Variants in ARHGEF10 observed in about 807,000 individuals in gnomAD.
ARHGEF10 encodes the protein Rho guanine nucleotide exchange factor (GEF) 10.
A neutral mutation model predicts 147.4 loss-of-function variants in ARHGEF10; 140 were observed. That is an observed-to-expected ratio of 0.95 (90% CI 0.83 to 1.09). ARHGEF10 has a LOEUF of 1.09. Ranked by LOEUF, ARHGEF10 falls within the 50% of genes least tolerant of loss-of-function variation. The pLI is 0.00. For synonymous variants in ARHGEF10, 902 were observed against 695.8 expected, an observed-to-expected ratio of 1.30 and a Z score of -4.67; for missense variants, 2,222 against 1,752.7, an observed-to-expected ratio of 1.27 and a Z score of -4.78.
At chr8:1,895,722 T>A (rs1472322608) in intron 13 of ARHGEF10, among the ~76,000 whole-genome samples, 1 of 152,240 alleles carries the variant, frequency 6.6e-6, no homozygotes, top group African/African-American at 2.4e-5. Context: ...ACCAGAGCTC[T>A]GCCATCCATC....
chr8:1,826,352 A>G (rs1265141239), intron 1 of ARHGEF10, among the ~76,000 whole-genome samples: 6 of 151,006 alleles, frequency 4.0e-5, no homozygotes, highest in African/African-American at 1.5e-4. Flanking sequence ...GTCTTTGTGT[A>G]TGTGTTTGTG....
rs762505318 is a variant in ARHGEF10, at chr8:1,894,506, C to T, written c.1374C>T (p.Ile458=). ...TGCAGTGCCACTCGCTATTTCAGAT[C>T]GCGCTGGCCAGCCGCGTTTCCGAGT... is the stretch of plus-strand genomic sequence containing the variant. ...EILQCHSLFQ[I]ALASRVSEWD... Residue 458 remains isoleucine (I), a synonymous_variant, in exon 13 of 29, where the codon ATC becomes ATT. Coordinates refer to ENST00000349830, the MANE Select transcript of ARHGEF10 (RefSeq NM_014629.4). 32 of 1,614,084 alleles carry T rather than the reference C, an allele frequency of 2.0e-5. No individual in the cohort carries two copies. Among genetic ancestry groups the T allele is most frequent in the Middle Eastern group, 1.6e-4 (1 of 6,084 alleles).
intron 11 of ARHGEF10, among the ~76,000 whole-genome samples, chr8:1,890,558 T>C (rs1211992657): frequency 7.0e-6 from 1 of 143,664 alleles, no homozygotes; most frequent in African/African-American, 2.7e-5. Context: ...GGTGAGAGTT[T>C]TGAGGAGTCA....
At chr8:1,909,801 C>T (rs925439223) in intron 18 of ARHGEF10, among the ~76,000 whole-genome samples, 3 of 152,174 alleles carry the variant, frequency 2.0e-5, no homozygotes, top group African/African-American at 4.8e-5. Flanking sequence ...CAGTGCTGGT[C>T]TCTTGAGTGT....
chr8:1,905,471 T>A, intron 16 of ARHGEF10, 100 bp from the exon 17 acceptor site: 1 of 1,476,594 alleles, frequency 6.8e-7, no homozygotes. Context: ...GCGCTCAGTT[T>A]GGAAAAGTCA....
chr8:1,931,966 G>A (rs1376835702), intron 25 of ARHGEF10, among the ~76,000 whole-genome samples: 3 of 152,156 alleles, frequency 2.0e-5, no homozygotes, highest in African/African-American at 7.2e-5. Flanking sequence ...GTAGGCCATC[G>A]TGTCATTGAT....
At chr8:1,839,721 A>ACTGTCCGGTGTGGAAG (rs1803849864) in intron 1 of ARHGEF10, among the ~76,000 whole-genome samples, 1 of 86,790 alleles carries the variant, frequency 1.2e-5, no homozygotes, top group Admixed American at 1.2e-4. Context: ...TGGTGTGGGG[A>ACTGTCCGGTGTGGAAG]CTGTCCGGTG....
At chr8:1,909,104 G>C (rs1811148648) in intron 17 of ARHGEF10, among the ~76,000 whole-genome samples, 191 bp from the exon 18 acceptor site, 2 of 152,300 alleles carry the variant, frequency 1.3e-5, no homozygotes, top group East Asian at 1.9e-4. Context: ...CTCTCATCCA[G>C]TTCGAGGCCT....
At chr8:1,906,169 G>T (rs867761034) in intron 17 of ARHGEF10, among the ~76,000 whole-genome samples, 2 of 152,110 alleles carry the variant, frequency 1.3e-5, no homozygotes, top group Non-Finnish European at 2.9e-5. Context: ...CATCAGAATC[G>T]TTCTCCAATG....
intron 2 of ARHGEF10, among the ~76,000 whole-genome samples, chr8:1,850,743 C>T (rs1235517158): frequency 6.6e-6 from 1 of 152,180 alleles, no homozygotes; most frequent in Non-Finnish European, 1.5e-5. Flanking sequence ...AATACCTGCC[C>T]ATATAGGTGT....
chr8:1,834,298 C>G (rs561199476), intron 1 of ARHGEF10, among the ~76,000 whole-genome samples: 1 of 152,212 alleles, frequency 6.6e-6, no homozygotes, highest in Non-Finnish European at 1.5e-5. Flanking sequence ...GCATTTGCTT[C>G]TCTTTTCACT....
intron 28 of ARHGEF10, among the ~76,000 whole-genome samples, chr8:1,953,316 C>T (rs1341076484): frequency 3.7e-5 from 2 of 54,778 alleles, no homozygotes; most frequent in African/African-American, 1.3e-4. Context: ...AGAAGGAAGC[C>T]GGGATCTCCG....
chr8:1,917,446 C>G (rs887199831), intron 18 of ARHGEF10, among the ~76,000 whole-genome samples: 45 of 152,288 alleles, frequency 3.0e-4, no homozygotes, highest in African/African-American at 1.0e-3. Flanking sequence ...TGGAGGTTCT[C>G]AGGGACCGAG....
intron 26 of ARHGEF10, among the ~76,000 whole-genome samples, chr8:1,935,027 AAAAG>A (rs549576229): frequency 7.9e-4 from 121 of 152,358 alleles, no homozygotes; most frequent in African/African-American, 2.6e-3. Flanking sequence ...AGCTCACAGA[AAAAG>A]AAAGAAATAA....
chr8:1,925,290 G>A lies in ARHGEF10; in HGVS notation c.2496G>A (p.Glu832=). ...CTCTGAATATAATTGCAGAAGAGGA[G>A]AACCACATGGGCTGGTTCTGTGTGG... ...LQMAKLALEE[E]NHMGWFCVED... is the part of the protein sequence containing the mutation. The change falls in exon 22 of 29, where the codon GAG becomes GAA. Residue 832 remains glutamate (E), a synonymous_variant. Transcript: ENST00000349830. 6.2e-7 allele frequency: 1 copy of A among 1,614,178 alleles called. No homozygotes were observed. The highest frequency in any genetic ancestry group is 8.5e-7 in the Non-Finnish European group (1 of 1,180,034).
Position 1,925,273 on chromosome 8 carries a change from A to G in ARHGEF10, c.2489-10A>G, listed in dbSNP as rs755191302. The G allele has an allele frequency of 1.9e-6, 3 of 1,614,046 alleles. No homozygotes were observed. The highest frequency in any genetic ancestry group is 1.1e-5 in the South Asian group (1 of 91,080). ...CATTCTTGCTCATTTCTCTCTGAATATAATTGCAGAAGAGGAGAACCACAT... is the reference window on the plus strand; with the variant it reads ...CATTCTTGCTCATTTCTCTCTGAATGTAATTGCAGAAGAGGAGAACCACAT... On this transcript the variant is annotated splice_polypyrimidine_tract_variant and intron_variant, in intron 21 of 28. Coordinates refer to ENST00000349830, the MANE Select transcript of ARHGEF10 (RefSeq NM_014629.4).
At chr8:1,866,052 T>G (rs1477367031) in intron 5 of ARHGEF10, among the ~76,000 whole-genome samples, 1 of 152,052 alleles carries the variant, frequency 6.6e-6, no homozygotes. Flanking sequence ...GTGGCCCATG[T>G]GACCACCCGC....
intron 15 of ARHGEF10, among the ~76,000 whole-genome samples, chr8:1,900,052 G>A (rs1350178613): frequency 1.3e-5 from 2 of 152,186 alleles, no homozygotes; most frequent in Admixed American, 6.5e-5. Flanking sequence ...GGTCACACAC[G>A]TTGTTGGCTT....
At chr8:1,865,289 G>C (rs1305560483) in intron 5 of ARHGEF10, among the ~76,000 whole-genome samples, 2 of 152,116 alleles carry the variant, frequency 1.3e-5, no homozygotes, top group Non-Finnish European at 2.9e-5. Flanking sequence ...GCCATCACCA[G>C]GACATGGGGC....
Sources: gnomAD v4.1 joint callset for allele counts (sites outside exome capture counted in the v4.1 genomes callset) on GRCh38, gnomAD v4.1.1 for gene constraint, MANE v1.5 for transcripts, NCBI Gene and HGNC (gene_info 2026-07-23, HGNC 2026-07-21) for gene names.